Variants in CCSER1 observed in about 807,000 individuals in gnomAD.
CCSER1 encodes the protein serine-rich coiled-coil domain-containing protein 1.
Under a neutral mutation model 82.0 loss-of-function variants are expected in CCSER1, and 41 were observed. The ratio of observed to expected loss-of-function variants is 0.50; its 90% CI spans 0.39 to 0.65. The LOEUF (loss-of-function observed/expected upper bound fraction) is 0.65, where lower values mean the gene tolerates loss of function less well. CCSER1 is among the 30% of genes least tolerant of loss of function. The probability of loss-of-function intolerance (pLI) is 0.00; values close to 1 mark genes in which losing one functional copy is unlikely to be tolerated. For missense variants in CCSER1, 1,119 were observed against 1,064.2 expected, an observed-to-expected ratio of 1.05 and a Z score of -0.72; for synonymous variants, 414 against 383.9, an observed-to-expected ratio of 1.08 and a Z score of -0.92.
At chr4:91,515,143 G>T (rs940885723) in intron 10 of CCSER1, among the ~76,000 whole-genome samples, 3 of 152,056 alleles carry the variant, frequency 2.0e-5, no homozygotes, top group African/African-American at 7.2e-5. Context: ...AAAACTGTTT[G>T]TATCTTTGAA....
chr4:90,547,227 A>T (rs1776871588), intron 5 of CCSER1, among the ~76,000 whole-genome samples: 2 of 146,440 alleles, frequency 1.4e-5, no homozygotes. Flanking sequence ...ACAATTAAAT[A>T]AAATAAAATA....
chr4:90,199,670 T>G (rs1297033465), intron 1 of CCSER1, among the ~76,000 whole-genome samples: 2 of 152,310 alleles, frequency 1.3e-5, no homozygotes, highest in African/African-American at 4.8e-5. Context: ...AGTGCTTAAT[T>G]AATCTGGTAT....
chr4:90,914,339 A>C (rs960839254), intron 8 of CCSER1, among the ~76,000 whole-genome samples: 20 of 152,124 alleles, frequency 1.3e-4, no homozygotes, highest in Admixed American at 7.9e-4. Context: ...GATTAAGAAA[A>C]TCACTCAAAA....
At chr4:90,671,698 G>T (rs1405716350) in intron 6 of CCSER1, among the ~76,000 whole-genome samples, 2 of 151,968 alleles carry the variant, frequency 1.3e-5, no homozygotes, top group Non-Finnish European at 2.9e-5. Context: ...GTTCTTAGTG[G>T]CATCTAAAAT....
intron 1 of CCSER1, among the ~76,000 whole-genome samples, chr4:90,201,422 C>A (rs926984485): frequency 6.6e-6 from 1 of 151,570 alleles, no homozygotes; most frequent in African/African-American, 2.4e-5. Context: ...TAGGCCAAGA[C>A]CATTCTGTAA....
chr4:91,181,900 G>A (rs954293864), intron 10 of CCSER1, among the ~76,000 whole-genome samples: 2 of 152,176 alleles, frequency 1.3e-5, no homozygotes, highest in Non-Finnish European at 2.9e-5. Context: ...TTGCATCCAG[G>A]CATTATTGCC....
At chr4:90,528,982 C>G (rs1379691889) in intron 5 of CCSER1, among the ~76,000 whole-genome samples, 2 of 151,572 alleles carry the variant, frequency 1.3e-5, no homozygotes, top group Admixed American at 6.6e-5. Flanking sequence ...TACTGGACAG[C>G]TAAACATCAT....
intron 1 of CCSER1, among the ~76,000 whole-genome samples, chr4:90,269,637 G>T (rs1335020027): frequency 6.6e-6 from 1 of 151,734 alleles, no homozygotes; most frequent in East Asian, 1.9e-4. Flanking sequence ...AAAAGCAAAA[G>T]AAGTCTGAAC....
intron 10 of CCSER1, among the ~76,000 whole-genome samples, chr4:91,356,393 A>G (rs1377459068): frequency 1.3e-5 from 2 of 152,258 alleles, no homozygotes; most frequent in Non-Finnish European, 2.9e-5. Flanking sequence ...ATCTACCAAA[A>G]TATTGACTTA....
intron 8 of CCSER1, among the ~76,000 whole-genome samples, chr4:90,820,486 GA>G (rs1234325253): frequency 6.6e-6 from 1 of 152,100 alleles, no homozygotes; most frequent in Non-Finnish European, 1.5e-5. Context: ...TAGAAAGGCA[GA>G]AGAGTATGAA....
At chr4:90,347,590 G>A (rs533440400) in intron 3 of CCSER1, among the ~76,000 whole-genome samples, 15 of 152,240 alleles carry the variant, frequency 9.9e-5, no homozygotes, top group African/African-American at 3.4e-4. Flanking sequence ...TGTCCAGCAT[G>A]TGCATGCTGA....
At chr4:90,428,492 G>A (rs182932562) in intron 4 of CCSER1, among the ~76,000 whole-genome samples, 2 of 151,988 alleles carry the variant, frequency 1.3e-5, no homozygotes, top group East Asian at 3.9e-4. Context: ...TATTTGGTAT[G>A]TTAAGTGTAT....
At chr4:91,429,239 A>G (rs1301986270) in intron 10 of CCSER1, among the ~76,000 whole-genome samples, 2 of 151,910 alleles carry the variant, frequency 1.3e-5, no homozygotes, top group Non-Finnish European at 2.9e-5. Flanking sequence ...TCTTTCAGAG[A>G]CATAATTTCA....
chr4:90,209,189 G>T (rs985688353), intron 1 of CCSER1, among the ~76,000 whole-genome samples: 2 of 152,142 alleles, frequency 1.3e-5, no homozygotes, highest in Non-Finnish European at 2.9e-5. Context: ...AAGCTGTAAA[G>T]GGTGACCCGC....
At chr4:90,951,356 AAATCTTTGGGGT>A (rs1242912921) in intron 9 of CCSER1, 1 of 152,062 alleles carries the variant, frequency 6.6e-6, no homozygotes, top group Non-Finnish European at 1.5e-5. Flanking sequence ...TTGAGAAGAG[AAATCTTTGGGGT>A]ATAAAAAGGA....
At chr4:91,073,531 T>C (rs1360696344) in intron 9 of CCSER1, among the ~76,000 whole-genome samples, 1 of 152,088 alleles carries the variant, frequency 6.6e-6, no homozygotes, top group African/African-American at 2.4e-5. Flanking sequence ...TAAGTAAGAC[T>C]AACATTAGAA....
intron 10 of CCSER1, among the ~76,000 whole-genome samples, chr4:91,232,209 A>G (rs1038568660): frequency 2.0e-5 from 3 of 151,914 alleles, no homozygotes; most frequent in African/African-American, 4.8e-5. Context: ...CAATTCAGCA[A>G]TTACATTTCT....
intron 3 of CCSER1, among the ~76,000 whole-genome samples, chr4:90,351,648 AAAAT>A (rs1290069997): frequency 8.5e-5 from 13 of 152,224 alleles, no homozygotes; most frequent in Admixed American, 3.9e-4. Flanking sequence ...AGAAGAAAAC[AAAAT>A]AAATATGTAG....
intron 6 of CCSER1, among the ~76,000 whole-genome samples, chr4:90,660,488 A>G (rs999000629): frequency 3.9e-5 from 6 of 152,148 alleles, no homozygotes; most frequent in Non-Finnish European, 8.8e-5. Flanking sequence ...ATGTGTCATA[A>G]CATTTCAAAT....
Sources: allele counts gnomAD v4.1 joint callset (sites outside exome capture counted in the v4.1 genomes callset), GRCh38; gene constraint gnomAD v4.1.1; transcripts MANE v1.5; gene names NCBI Gene and HGNC (gene_info 2026-07-23, HGNC 2026-07-21).